ZFP28: variants seen among roughly 807,000 people sequenced by gnomAD.
The protein encoded by ZFP28 is ZFP28 zinc finger protein.
In ZFP28, 31 loss-of-function variants were observed where a neutral mutation model predicts 39.5. The observed-to-expected ratio is 0.79, with a 90% CI of 0.59 to 1.06. The LOEUF (loss-of-function observed/expected upper bound fraction) is 1.06, where lower values mean the gene tolerates loss of function less well. Among genes scored for constraint, ZFP28 ranks in the 50% least tolerant of loss-of-function variants. The pLI is 0.00. For missense variants in ZFP28, 925 were observed against 1,048.4 expected (o/e 0.88, Z 1.63); for synonymous variants, 400 against 378.6 (o/e 1.06, Z -0.66).
At position 56,555,252 on chromosome 19, in the gene ZFP28, A is replaced by T; in HGVS notation, c.2467A>T (p.Arg823Trp). The change falls in exon 8 of 8, where the codon AGG (arginine) becomes TGG (tryptophan). Residue 823 changes from arginine (R) to tryptophan (W), a missense_variant. Coordinates refer to ENST00000301318, the MANE Select transcript of ZFP28 (RefSeq NM_020828.2). ...CTATAAGAAAAGCAGAAAAGTCTTC[A>T]GGCAAACTGCTCACTTAGCTCATCA... ...YNYKKSRKVFRQTAHLAHHQR... is the reference protein window; with the variant it reads ...YNYKKSRKVFWQTAHLAHHQR... 1 of 1,614,220 alleles carries T rather than the reference A, an allele frequency of 6.2e-7. No homozygotes were observed. Among genetic ancestry groups the T allele is most frequent in the South Asian group, 1.1e-5 (1 of 91,084 alleles).
rs767678676 is a variant in ZFP28 at position 56,556,684 on chromosome 19, CA to C, written c.*1293del. 4.0e-5 allele frequency: 6 copies of C among 151,868 alleles called. No homozygotes were observed. The highest frequency in any genetic ancestry group is 5.9e-5 in the Non-Finnish European group (4 of 67,972). 9.4% of individuals were successfully genotyped at this position (151,868 alleles called of 1,614,324 possible). A position where few individuals can be genotyped will look rare whatever the true frequency, so the allele number is the denominator to read the frequency against. ...TTTTATGAGGGCAATACAACTGTCACATCAGAAACAAGAAAACAAATGATAA... is the reference window on the plus strand; with the variant it reads ...TTTTATGAGGGCAATACAACTGTCACTCAGAAACAAGAAAACAAATGATAA... On this transcript the variant is annotated 3_prime_UTR_variant, in exon 8 of 8. Transcript: ENST00000301318.
rs1479545086 is a variant in ZFP28 at position 56,556,792 on chromosome 19, T to C, written c.*1400T>C. The C allele has an allele frequency of 6.6e-6, 1 of 152,208 alleles. No homozygotes were observed. The highest frequency in any genetic ancestry group is 2.4e-5 in the African/African-American group (1 of 41,444). The allele number at this position is 152,208 out of a possible 1,614,324, so 9.4% of individuals were successfully genotyped here. A position where few individuals can be genotyped will look rare whatever the true frequency, so the allele number is the denominator to read the frequency against. On this transcript the variant is annotated 3_prime_UTR_variant, in exon 8 of 8. Coordinates refer to ENST00000301318, the MANE Select transcript of ZFP28 (RefSeq NM_020828.2). ...AAGATGTCAATAAAAGGAGAAATGA[T>C]ATTTTTCTAGATGAAATACTCAATA...
chr19:56,549,015 G>T lies in ZFP28; in HGVS notation c.581G>T (p.Gly194Val). 6.2e-7 allele frequency: 1 copy of T among 1,614,084 alleles called. No homozygotes were observed. Among genetic ancestry groups the T allele is most frequent in the East Asian group, 2.2e-5 (1 of 44,846 alleles). The change falls in exon 5 of 8, where the codon GGA becomes GTA. Residue 194 changes from glycine to valine, a missense_variant. By Grantham distance (109) the Gly-to-Val change is moderately radical. This residue lies in a region of ZFP28 where 556 missense variants were observed against 542.9 expected (regional missense o/e 1.02). Coordinates refer to ENST00000301318, the MANE Select transcript of ZFP28 (RefSeq NM_020828.2). ...CCTCTCAAGAAGGACTTCTGCGAAG[G>T]AAAGCTATCCCAGGCAGTGATAACA... is the stretch of plus-strand genomic sequence containing the variant. Reference protein sequence around the residue: ...ELPLKKDFCEGKLSQAVITER... With the variant: ...ELPLKKDFCEVKLSQAVITER...
Position 56,555,319 on chromosome 19 carries a change from T to A in ZFP28, c.2534T>A (p.Leu845Ter), listed in dbSNP as rs747863836. ...HTGESSTCPS[L>*]PSTSNPVDLF... ...GGAGAGTCGTCAACATGCCCCTCTTTACCTTCCACGTCAAATCCTGTGGAT... is the reference window on the plus strand; with the variant it reads ...GGAGAGTCGTCAACATGCCCCTCTTAACCTTCCACGTCAAATCCTGTGGAT... Residue 845 changes from leucine to a stop codon, truncating the protein, a stop_gained, in exon 8 of 8, where the codon TTA becomes TAA. Transcript: ENST00000301318. LOFTEE classifies it low-confidence loss of function (END_TRUNC). The A allele has an allele frequency of 5.0e-6, 8 of 1,614,094 alleles. No individual in the cohort carries two copies. In the South Asian group the frequency reaches 8.8e-5, roughly 18 times the overall value.
chr19:56,544,824 G>A (rs985287382), intron 2 of ZFP28: 1 of 152,198 alleles, frequency 6.6e-6, no homozygotes, highest in African/African-American at 2.4e-5. Flanking sequence ...TAAAACAAAA[G>A]TCATTGATTC....
At chr19:56,544,739 T>C (rs2044224953) in intron 2 of ZFP28, 1 of 152,224 alleles carries the variant, frequency 6.6e-6, no homozygotes, top group African/African-American at 2.4e-5. Flanking sequence ...TATATAAGTA[T>C]ATAGAATTGC....
At chr19:56,548,879 A>T in intron 4 of ZFP28, 79 bp from the exon 5 acceptor site, 2 of 1,405,604 alleles carry the variant, frequency 1.4e-6, no homozygotes, top group Non-Finnish European at 9.5e-7. Flanking sequence ...GTGGCTTTTA[A>T]TTTAACGGTT....
At position 56,549,025 on chromosome 19, in the gene ZFP28, C is replaced by T. The variant is rs771575620; in HGVS notation, c.591C>T (p.Ser197=). ...AGGACTTCTGCGAAGGAAAGCTATC[C>T]CAGGCAGTGATAACAGAGAGACTCA... ...LKKDFCEGKL[S]QAVITERLTS... Residue 197 remains serine, a synonymous_variant, in exon 5 of 8, where the codon TCC becomes TCT. Coordinates refer to ENST00000301318, the MANE Select transcript of ZFP28 (RefSeq NM_020828.2). 8 of 1,614,030 alleles carry T rather than the reference C, an allele frequency of 5.0e-6. No homozygotes were observed. Among genetic ancestry groups the T allele is most frequent in the Non-Finnish European group, 6.8e-6 (8 of 1,179,992 alleles).
chr19:56,551,487 G>T, intron 7 of ZFP28: 1 of 984,890 alleles, frequency 1.0e-6, no homozygotes, highest in Non-Finnish European at 1.2e-6. Context: ...GCTCACTTAG[G>T]TTGCTTTACA....
At position 56,547,642 on chromosome 19, in the gene ZFP28, C is replaced by A. The variant is rs2044254556; in HGVS notation, c.427+8C>A. The A allele has an allele frequency of 1.9e-6, 3 of 1,602,818 alleles. No homozygotes were observed. The highest frequency in any genetic ancestry group is 2.6e-6 in the Non-Finnish European group (3 of 1,174,142). On this transcript the variant is annotated splice_region_variant and intron_variant, in intron 3 of 7. Transcript: ENST00000301318. This position sits in a 1 kb window ranked among gnomAD's most constrained non-coding sequence, Gnocchi z 4.6. ...GGAACCTGGCATCGCTGGGTAAGGG[C>A]TCCCACCCCTTTTCCCACCCCTCAC...
At chr19:56,539,588 T>C in intron 1 of ZFP28, 37 bp from the exon 2 acceptor site, 1 of 1,566,324 alleles carries the variant, frequency 6.4e-7, no homozygotes, top group South Asian at 1.1e-5. Flanking sequence ...GGGACTGTGG[T>C]GTAGACCTGG....
At position 56,539,658 on chromosome 19, in the gene ZFP28, A is replaced by G. The variant is rs146307768; in HGVS notation, c.242A>G (p.Glu81Gly). The change falls in exon 2 of 8, where the codon GAG becomes GGG. Residue 81 changes from glutamate (E) to glycine (G), a missense_variant. Transcript: ENST00000301318. Reference sequence around the variant, plus strand: ...TCCAGGGACACTGCTCTTCCCCAGGAGAGAAACAAGAAGCTGGAGGCTGTG... The same window carrying G: ...TCCAGGGACACTGCTCTTCCCCAGGGGAGAAACAAGAAGCTGGAGGCTGTG... ...LPSRDTALPQ[E>G]RNKKLEAVGT... is the part of the protein sequence containing the mutation. 49 of 1,613,950 alleles carry G rather than the reference A, an allele frequency of 3.0e-5. No homozygotes were observed. Among genetic ancestry groups the G allele is most frequent in the Non-Finnish European group, 3.7e-5 (44 of 1,180,010 alleles).
At chr19:56,538,751 G>A (rs2044158549), upstream of ZFP28, among the ~76,000 whole-genome samples, 1 of 141,334 alleles carries the variant, frequency 7.1e-6, no homozygotes, top group African/African-American at 2.6e-5. Context: ...GGGAAGCGCC[G>A]GGCTTCTCTA....
At chr19:56,549,551 C>T (rs1178331265) in intron 5 of ZFP28, among the ~76,000 whole-genome samples, 5 of 152,076 alleles carry the variant, frequency 3.3e-5, no homozygotes, top group Admixed American at 6.5e-5. Flanking sequence ...CTGGCGGGCG[C>T]CTGTAGTCCC....
chr19:56,542,316 G>A lies in ZFP28; in HGVS notation c.300+2600G>A, dbSNP rs190722569. Among the ~76,000 whole-genome samples the A allele has an allele frequency of 8.6e-3, 1,304 of 152,156 alleles. 21 individuals carry two copies. The highest frequency in any genetic ancestry group is 0.028 in the African/African-American group (1,183 of 41,532). ...TTACAGGCATGTGCCACCATGCCCA[G>A]CTAATTTTTGTATTTTTTGTAGAGA... On this transcript the variant is annotated intron_variant, in intron 2 of 7. Transcript: ENST00000301318.
intron 7 of ZFP28, chr19:56,551,743 T>C (rs541016590): frequency 7.6e-4 from 750 of 983,776 alleles, no homozygotes; most frequent in Non-Finnish European, 8.6e-4. Flanking sequence ...TCTTTTTTTA[T>C]GAAAGAAGTT....
At position 56,555,891 on chromosome 19, in the gene ZFP28, T is replaced by C. The variant is rs1384340581; in HGVS notation, c.*499T>C. On this transcript the variant is annotated 3_prime_UTR_variant, in exon 8 of 8. Transcript: ENST00000301318. Reference sequence around the variant, plus strand: ...ATTTGACTTGATTTGTTTTAGAAAGTCTAGGGACCATGAATGAATAGGCCA... The same window carrying C: ...ATTTGACTTGATTTGTTTTAGAAAGCCTAGGGACCATGAATGAATAGGCCA... The C allele has an allele frequency of 6.5e-6, 1 of 152,970 alleles. No individual in the cohort carries two copies. The highest frequency in any genetic ancestry group is 1.5e-5 in the Non-Finnish European group (1 of 68,638). The allele number at this position is 152,970 out of a possible 1,614,324, so 9.5% of individuals were successfully genotyped here. A position where few individuals can be genotyped will look rare whatever the true frequency, so the allele number is the denominator to read the frequency against.
chr19:56,553,271 A>G (rs1197476704), intron 7 of ZFP28, among the ~76,000 whole-genome samples: 1 of 151,504 alleles, frequency 6.6e-6, no homozygotes, highest in Non-Finnish European at 1.5e-5. Context: ...CCCAGGCTGG[A>G]GTGCAGTGGC....
chr19:56,555,091 G>A lies in ZFP28; in HGVS notation c.2306G>A (p.Arg769His), dbSNP rs775201807. ...GTGTGTGGCAAAGCCTTTAGTCATC[G>A]TCAATCCCTTAGTGTACATCAGAGA... ...CSVCGKAFSH[R>H]QSLSVHQRIH... Residue 769 changes from arginine to histidine, a missense_variant, in exon 8 of 8, where the codon CGT (arginine) becomes CAT (histidine). Transcript: ENST00000301318. 5.0e-6 allele frequency: 8 copies of A among 1,614,168 alleles called. No individual in the cohort carries two copies. The highest frequency in any genetic ancestry group is 1.7e-5 in the Admixed American group (1 of 60,024).
Sources: allele counts gnomAD v4.1 joint callset (sites outside exome capture counted in the v4.1 genomes callset), GRCh38; gene constraint gnomAD v4.1.1; regional missense constraint gnomAD v4.1.1; non-coding constraint Gnocchi (gnomAD v3.1); transcripts MANE v1.5; gene names NCBI Gene and HGNC (gene_info 2026-07-23, HGNC 2026-07-21).